Variants in GRAMD1C observed in about 807,000 individuals in gnomAD.
GRAMD1C encodes the protein protein Aster-C.
In GRAMD1C, 89 loss-of-function variants were observed where a neutral mutation model predicts 97.8. That is an observed-to-expected ratio of 0.91 (90% CI 0.77 to 1.09). The LOEUF (loss-of-function observed/expected upper bound fraction) is 1.09, where lower values mean the gene tolerates loss of function less well. Ranked by LOEUF, GRAMD1C falls within the 50% of genes least tolerant of loss-of-function variation. GRAMD1C has a pLI of 0.00. For missense variants in GRAMD1C, 740 were observed against 766.4 expected, an observed-to-expected ratio of 0.97 and a Z score of 0.41; for synonymous variants, 256 against 267.0, an observed-to-expected ratio of 0.96 and a Z score of 0.40.
intron 6 of GRAMD1C, among the ~76,000 whole-genome samples, chr3:113,884,431 C>T (rs1271120231): frequency 6.6e-6 from 1 of 152,092 alleles, no homozygotes; most frequent in East Asian, 1.9e-4. Context: ...ACAAAACATA[C>T]CAAAACCTAT....
intron 6 of GRAMD1C, among the ~76,000 whole-genome samples, chr3:113,898,744 G>T (rs1218447496): frequency 2.0e-5 from 3 of 152,088 alleles, no homozygotes. Flanking sequence ...ATATAGTTCA[G>T]CTCGAAACAG....
chr3:113,938,174 T>C lies in GRAMD1C; in HGVS notation c.1691+31T>C, dbSNP rs755870307. 11 of 1,096,642 alleles carry C rather than the reference T, an allele frequency of 1.0e-5. No homozygotes were observed. In the South Asian group the frequency reaches 1.6e-4, roughly 16 times the overall value. The allele number at this position is 1,096,642 out of a possible 1,614,324, so 67.9% of individuals were successfully genotyped here. On this transcript the variant is annotated intron_variant, in intron 15 of 17. Coordinates refer to ENST00000358160, the MANE Select transcript of GRAMD1C (RefSeq NM_017577.5). The stretch of plus-strand genomic sequence containing the variant: ...TATTTGTTGTGAATGCTTATTTTGC[T>C]TGTTTCAGCATTTATCTTTAACTAG...
chr3:113,930,182 A>T (rs1385818968), intron 10 of GRAMD1C, among the ~76,000 whole-genome samples: 3 of 152,232 alleles, frequency 2.0e-5, no homozygotes. Flanking sequence ...TTATATAATC[A>T]TTTATGTTCC....
At chr3:113,889,155 G>A (rs62265407) in intron 6 of GRAMD1C, among the ~76,000 whole-genome samples, 190 of 152,082 alleles carry the variant, frequency 1.2e-3, no homozygotes, top group Middle Eastern at 6.8e-3. Context: ...AGCCGAAATC[G>A]CGCTATTGCA....
chr3:113,860,753 G>A (rs1010497420), intron 2 of GRAMD1C, among the ~76,000 whole-genome samples: 1 of 152,078 alleles, frequency 6.6e-6, no homozygotes, highest in African/African-American at 2.4e-5. Flanking sequence ...ATCACCTGAG[G>A]TCAGGAGTTC....
chr3:113,882,773 G>A lies in GRAMD1C; in HGVS notation c.481G>A (p.Ala161Thr), dbSNP rs1935313769. 1 of 1,591,164 alleles carries A rather than the reference G, an allele frequency of 6.3e-7. No homozygotes were observed. The highest frequency in any genetic ancestry group is 8.6e-7 in the Non-Finnish European group (1 of 1,159,596). ...SEKFFFTSFGARDRSYLSIFR... is the reference protein window; with the variant it reads ...SEKFFFTSFGTRDRSYLSIFR... Reference sequence around the variant, plus strand: ...GCAGTTTTTCTTCACATCTTTTGGTGCCAGGGATAGAAGTTACCTCAGTAT... The same window carrying A: ...GCAGTTTTTCTTCACATCTTTTGGTACCAGGGATAGAAGTTACCTCAGTAT... The change falls in exon 6 of 18, where the codon GCC (alanine) becomes ACC (threonine). Residue 161 changes from alanine (A) to threonine (T), a missense_variant. Coordinates refer to ENST00000358160, the MANE Select transcript of GRAMD1C (RefSeq NM_017577.5).
chr3:113,865,085 A>G (rs1045481558), intron 2 of GRAMD1C, among the ~76,000 whole-genome samples: 1 of 152,232 alleles, frequency 6.6e-6, no homozygotes, highest in Admixed American at 6.5e-5. Flanking sequence ...CTCATGTTGC[A>G]TCATAATATG....
chr3:113,914,726 T>C (rs1936738894), intron 9 of GRAMD1C, among the ~76,000 whole-genome samples: 1 of 152,134 alleles, frequency 6.6e-6, no homozygotes, highest in East Asian at 1.9e-4. Context: ...TTAAATTCCT[T>C]CTGGCGGTAT....
At chr3:113,941,453 T>C (rs1937770602) in intron 17 of GRAMD1C, among the ~76,000 whole-genome samples, 1 of 152,188 alleles carries the variant, frequency 6.6e-6, no homozygotes, top group Admixed American at 6.5e-5. Flanking sequence ...TTATGTAATA[T>C]TCTTACCTTT....
At chr3:113,833,117 T>C (rs1361752715) in intron 1 of GRAMD1C, among the ~76,000 whole-genome samples, 1 of 132,972 alleles carries the variant, frequency 7.5e-6, no homozygotes, top group South Asian at 2.4e-4. Context: ...TCTTTCTTTC[T>C]TTCTTTTTTT....
At chr3:113,876,022 C>T (rs1308225108) in intron 4 of GRAMD1C, 143 bp from the exon 5 acceptor site, 1 of 590,550 alleles carries the variant, frequency 1.7e-6, no homozygotes, top group Non-Finnish European at 3.0e-6. Context: ...CAAGCGTGTA[C>T]TTATTAACTC....
At chr3:113,901,828 G>C (rs1936182202) in intron 7 of GRAMD1C, among the ~76,000 whole-genome samples, 1 of 152,126 alleles carries the variant, frequency 6.6e-6, no homozygotes, top group Admixed American at 6.5e-5. Context: ...AAATTCTATA[G>C]CAAACATTAT....
intron 2 of GRAMD1C, among the ~76,000 whole-genome samples, chr3:113,863,685 C>T (rs540277588): frequency 3.9e-5 from 6 of 152,160 alleles, no homozygotes; most frequent in African/African-American, 1.4e-4. Context: ...GGGCCTCAGG[C>T]AGCCCTGCCT....
At chr3:113,850,435 C>T (rs977156778) in intron 2 of GRAMD1C, 34 of 1,240,308 alleles carry the variant, frequency 2.7e-5, no homozygotes, top group Non-Finnish European at 1.4e-5. Flanking sequence ...GCCTGCCAGT[C>T]TCTGGATGGC....
chr3:113,851,887 G>C (rs754963567), intron 2 of GRAMD1C, among the ~76,000 whole-genome samples: 6 of 147,198 alleles, frequency 4.1e-5, no homozygotes, highest in Non-Finnish European at 9.0e-5. Flanking sequence ...TTATTTATTT[G>C]AGGTGCAGTC....
At position 113,933,718 on chromosome 3, in the gene GRAMD1C, G is replaced by A. The variant is rs1937523010; in HGVS notation, c.1352+65G>A. On this transcript the variant is annotated intron_variant, in intron 12 of 17. Coordinates refer to ENST00000358160, the MANE Select transcript of GRAMD1C (RefSeq NM_017577.5). Reference sequence around the variant, plus strand: ...TATGTCCTGGTAATTTATTCATCCTGAATTCTTAGTAGTAGCTTTACACAA... The same window carrying A: ...TATGTCCTGGTAATTTATTCATCCTAAATTCTTAGTAGTAGCTTTACACAA... The A allele has an allele frequency of 7.1e-6, 8 of 1,124,982 alleles. No homozygotes were observed. In the East Asian group the frequency reaches 1.7e-4, roughly 24 times the overall value. 69.7% of individuals were successfully genotyped at this position (1,124,982 alleles called of 1,614,324 possible).
intron 2 of GRAMD1C, among the ~76,000 whole-genome samples, chr3:113,848,115 T>C (rs1448136736): frequency 6.6e-6 from 1 of 152,208 alleles, no homozygotes; most frequent in Non-Finnish European, 1.5e-5. Context: ...TGTTCCACAG[T>C]AGTGAATTTA....
At position 113,909,031 on chromosome 3, in the gene GRAMD1C, T is replaced by C; in HGVS notation, c.863T>C (p.Leu288Ser). ...KSLLPTLEKKLTRVPSKSLDL... is the reference protein window; with the variant it reads ...KSLLPTLEKKSTRVPSKSLDL... ...CTCTTACCAACTTTGGAAAAGAAGT[T>C]AACTAGAGTGCCATCAAAGTCACTG... The change falls in exon 9 of 18, where the codon TTA becomes TCA. Residue 288 changes from leucine (L) to serine (S), a missense_variant. Transcript: ENST00000358160. 6.4e-7 allele frequency: 1 copy of C among 1,569,644 alleles called. No individual in the cohort carries two copies. The highest frequency in any genetic ancestry group is 8.6e-7 in the Non-Finnish European group (1 of 1,156,114).
At chr3:113,863,593 G>A (rs1320390106) in intron 2 of GRAMD1C, among the ~76,000 whole-genome samples, 1 of 152,136 alleles carries the variant, frequency 6.6e-6, no homozygotes, top group Non-Finnish European at 1.5e-5. Flanking sequence ...TCACTGACTT[G>A]TACATTGCAA....
Sources: allele counts gnomAD v4.1 joint callset (sites outside exome capture counted in the v4.1 genomes callset), GRCh38; gene constraint gnomAD v4.1.1; transcripts MANE v1.5; gene names NCBI Gene and HGNC (gene_info 2026-07-23, HGNC 2026-07-21).